GRIN2B: variants seen among roughly 807,000 people sequenced by gnomAD.
GRIN2B encodes the protein glutamate receptor ionotropic, NMDA 2B.
Under a neutral mutation model 114.5 loss-of-function variants are expected in GRIN2B, and 5 were observed. The observed-to-expected ratio is 0.04, with a 90% confidence interval of 0.02 to 0.09. The LOEUF is 0.09. Among genes scored for constraint, GRIN2B ranks in the 10% least tolerant of loss-of-function variants. The pLI is 1.00. For missense variants in GRIN2B, 1,108 were observed against 1,943.5 expected (o/e 0.57, Z 8.08); for synonymous variants, 787 against 745.1 (o/e 1.06, Z -0.92).
rs146285025 is a variant in GRIN2B, at chr12:13,621,512, G to A, written c.1126-4855C>T. Among the ~76,000 whole-genome samples the A allele has an allele frequency of 0.012, 1,822 of 147,022 alleles. 15 individuals carry two copies. The Middle Eastern group carries it at 0.14, about 11-fold the overall frequency. ...ACCATAAGCACATTTCACAACATCTGTCTACAAAAAATTCAGTTATCTGCC... is the reference window on the plus strand; with the variant it reads ...ACCATAAGCACATTTCACAACATCTATCTACAAAAAATTCAGTTATCTGCC... On this transcript the variant is annotated intron_variant, in intron 5 of 13. Transcript: ENST00000609686.
chr12:13,869,920 A>C, intron 2 of GRIN2B, among the ~76,000 whole-genome samples: 1 of 152,234 alleles, frequency 6.6e-6, no homozygotes, highest in East Asian at 1.9e-4. Flanking sequence ...ATTTTTGTGA[A>C]GATCAAATGA....
intron 5 of GRIN2B, among the ~76,000 whole-genome samples, chr12:13,631,546 TC>T (rs1368905517): frequency 6.6e-6 from 1 of 152,170 alleles, no homozygotes; most frequent in Admixed American, 6.6e-5. Context: ...AGAAAAATAC[TC>T]AGTGTTTAGA....
chr12:13,575,855 G>C (rs933606094), intron 10 of GRIN2B, among the ~76,000 whole-genome samples: 1 of 152,018 alleles, frequency 6.6e-6, no homozygotes, highest in Non-Finnish European at 1.5e-5. Context: ...TTTTCTGGAA[G>C]TATTATTTTA....
chr12:13,569,930 A>G lies in GRIN2B; in HGVS notation c.2259T>C (p.Ser753=), dbSNP rs1165739612. 1.9e-6 allele frequency: 3 copies of G among 1,612,778 alleles called. No homozygotes were observed. The Admixed American group carries it at 5.0e-5, about 27-fold the overall frequency. ...DEGCKLVTIG[S]GKVFASTGYG... ...AGCCAGTGGAAGCAAAGACCTTCCC[A>G]CTGCCAATGGTCACCAGCTTGCAGC... The change falls in exon 12 of 14, where the codon AGT becomes AGC. Residue 753 remains serine (S), a synonymous_variant. Coordinates refer to ENST00000609686, the MANE Select transcript of GRIN2B (RefSeq NM_000834.5).
chr12:13,738,676 A>G (rs1025960035), intron 4 of GRIN2B, among the ~76,000 whole-genome samples: 1 of 152,210 alleles, frequency 6.6e-6, no homozygotes, highest in African/African-American at 2.4e-5. Context: ...AAGAGCACCA[A>G]GTTCAAATGC....
At chr12:13,838,522 T>A (rs1865319666) in intron 3 of GRIN2B, among the ~76,000 whole-genome samples, 1 of 152,216 alleles carries the variant, frequency 6.6e-6, no homozygotes, top group Admixed American at 6.5e-5. Flanking sequence ...CAATGGCCTC[T>A]TCTGATTACA....
chr12:13,818,029 C>T (rs578229313), intron 3 of GRIN2B, among the ~76,000 whole-genome samples: 1 of 152,256 alleles, frequency 6.6e-6, no homozygotes, highest in South Asian at 2.1e-4. Context: ...AATAATTCAG[C>T]ATGACTCAAG....
intron 3 of GRIN2B, among the ~76,000 whole-genome samples, chr12:13,860,040 G>C (rs1168275479): frequency 6.6e-6 from 1 of 152,142 alleles, no homozygotes; most frequent in Non-Finnish European, 1.5e-5. Context: ...TGAGTAACAT[G>C]TAGCCATCTT....
At chr12:13,791,401 G>A (rs1357262477) in intron 3 of GRIN2B, among the ~76,000 whole-genome samples, 2 of 149,736 alleles carry the variant, frequency 1.3e-5, no homozygotes, top group African/African-American at 2.5e-5. Context: ...GCAGTGAGCC[G>A]AGATTGCGCC....
At chr12:13,850,122 C>T (rs1279906141) in intron 3 of GRIN2B, among the ~76,000 whole-genome samples, 1 of 152,136 alleles carries the variant, frequency 6.6e-6, no homozygotes, top group Non-Finnish European at 1.5e-5. Flanking sequence ...AGATTTTGGT[C>T]TGTGGTAACA....
intron 2 of GRIN2B, among the ~76,000 whole-genome samples, chr12:13,946,193 T>A (rs917975494): frequency 6.6e-6 from 1 of 152,308 alleles, no homozygotes; most frequent in Non-Finnish European, 1.5e-5. Context: ...TTCTTAAAAA[T>A]TTGTTTTAAG....
chr12:13,789,083 T>TC (rs1864271288), intron 3 of GRIN2B, among the ~76,000 whole-genome samples: 1 of 151,926 alleles, frequency 6.6e-6, no homozygotes, highest in East Asian at 1.9e-4. Flanking sequence ...TTGTTTTTTT[T>TC]CCTATACACA....
chr12:13,731,153 T>A (rs1327165257), intron 4 of GRIN2B, among the ~76,000 whole-genome samples: 2 of 152,150 alleles, frequency 1.3e-5, no homozygotes, highest in Non-Finnish European at 2.9e-5. Flanking sequence ...CTGATAAATT[T>A]TAAATCTGTA....
chr12:13,756,620 T>C (rs1863581931), intron 3 of GRIN2B, among the ~76,000 whole-genome samples: 1 of 152,214 alleles, frequency 6.6e-6, no homozygotes, highest in Non-Finnish European at 1.5e-5. Flanking sequence ...CTTTCCAATA[T>C]GCTTTAAGAT....
intron 10 of GRIN2B, among the ~76,000 whole-genome samples, chr12:13,607,340 TATA>T (rs1949279751): frequency 7.2e-5 from 4 of 55,440 alleles, no homozygotes; most frequent in African/African-American, 2.2e-4. Context: ...ATATATTATA[TATA>T]ATATATAAAA....
intron 4 of GRIN2B, among the ~76,000 whole-genome samples, chr12:13,744,846 T>G (rs1863349664): frequency 1.3e-5 from 2 of 152,100 alleles, no homozygotes; most frequent in African/African-American, 4.8e-5. Context: ...CACCAAAAAT[T>G]TCTGAAAGCC....
chr12:13,949,813 T>C (rs1867446102), intron 2 of GRIN2B, among the ~76,000 whole-genome samples: 1 of 152,172 alleles, frequency 6.6e-6, no homozygotes, highest in South Asian at 2.1e-4. Context: ...CTTTTAGATA[T>C]GTACCAGGCT....
intron 3 of GRIN2B, among the ~76,000 whole-genome samples, chr12:13,849,825 G>A (rs1865528849): frequency 6.6e-6 from 1 of 152,208 alleles, no homozygotes; most frequent in Non-Finnish European, 1.5e-5. Context: ...GTCATGAGGG[G>A]TGGAAACCAA....
intron 4 of GRIN2B, among the ~76,000 whole-genome samples, chr12:13,694,689 ATATATATATATAT>A (rs1950245091): frequency 8.4e-6 from 1 of 118,456 alleles, no homozygotes; most frequent in Non-Finnish European, 1.9e-5. Context: ...ATATATATAT[ATATATATATATAT>A]AAATTAATTA....
Sources: gnomAD v4.1 joint callset for allele counts (sites outside exome capture counted in the v4.1 genomes callset) on GRCh38, gnomAD v4.1.1 for gene constraint, MANE v1.5 for transcripts, NCBI Gene and HGNC (gene_info 2026-07-23, HGNC 2026-07-21) for gene names.